The following DHRS12 variants were observed in gnomAD, a reference collection of about 807,000 sequenced individuals.
DHRS12 encodes the protein dehydrogenase/reductase 12, also known as dehydrogenase/reductase SDR family member 12.
In DHRS12, 29 loss-of-function variants were observed where a neutral mutation model predicts 32.1. The ratio of observed to expected loss-of-function variants is 0.90; its 90% CI spans 0.67 to 1.23. The LOEUF is 1.23. Among genes scored for constraint, DHRS12 ranks in the 50% most tolerant of loss-of-function variants. The pLI is 0.00. For synonymous variants in DHRS12, 150 were observed against 135.9 expected (o/e 1.10, Z -0.72); for missense variants, 330 against 337.2 (o/e 0.98, Z 0.17).
chr13:51,791,213 G>A lies in DHRS12; in HGVS notation c.171C>T (p.Ile57=). ...HIVDLSDPKQ[I]WKFVENFKQE... is the part of the protein sequence containing the mutation. Reference sequence around the variant, plus strand: ...GCTTGAAATTTTCAACAAATTTCCAGATTTGCTTGGGATCAGACAAGTCCA... The same window carrying A: ...GCTTGAAATTTTCAACAAATTTCCAAATTTGCTTGGGATCAGACAAGTCCA... Residue 57 remains isoleucine, a synonymous_variant, in exon 3 of 9, where the codon ATC becomes ATT. Transcript: ENST00000444610. 1 of 1,566,348 alleles carries A rather than the reference G, an allele frequency of 6.4e-7. No individual in the cohort carries two copies. Among genetic ancestry groups the A allele is most frequent in the Non-Finnish European group, 8.7e-7 (1 of 1,153,928 alleles).
chr13:51,786,299 G>A (rs746033840), intron 4 of DHRS12, among the ~76,000 whole-genome samples: 5 of 152,210 alleles, frequency 3.3e-5, no homozygotes, highest in Non-Finnish European at 7.3e-5. Context: ...GCTAAGATGC[G>A]GGTGAGAGTT....
chr13:51,768,645 C>T (rs1953863926), intron 8 of DHRS12: 1 of 1,137,342 alleles, frequency 8.8e-7, no homozygotes, highest in African/African-American at 1.6e-5. Flanking sequence ...GAAAGAGAAG[C>T]CAAGCAAAGA....
chr13:51,772,660 T>C (rs995286652), intron 6 of DHRS12: 7 of 985,350 alleles, frequency 7.1e-6, no homozygotes, highest in Admixed American at 1.2e-4. Context: ...ACATCAGTTA[T>C]AGACAATAAA....
the DHRS12 span, among the ~76,000 whole-genome samples, chr13:51,756,902 A>C: frequency 6.6e-6 from 1 of 152,210 alleles, no homozygotes; most frequent in Non-Finnish European, 1.5e-5. Flanking sequence ...AAATATTCCC[A>C]GTTGCCCAGT....
chr13:51,789,405 T>A, intron 4 of DHRS12: 1 of 365,390 alleles, frequency 2.7e-6, no homozygotes, highest in Non-Finnish European at 3.8e-6. Flanking sequence ...AGAAGGCCTG[T>A]CAAACTGGAT....
At chr13:51,781,951 C>A (rs1213926604) in intron 4 of DHRS12, among the ~76,000 whole-genome samples, 2 of 152,154 alleles carry the variant, frequency 1.3e-5, no homozygotes, top group Non-Finnish European at 1.5e-5. Context: ...ATCACAGTGA[C>A]TGCAGTGGCT....
intron 2 of DHRS12, among the ~76,000 whole-genome samples, chr13:51,794,511 C>A (rs1043931708): frequency 1.3e-5 from 2 of 152,190 alleles, no homozygotes; most frequent in Admixed American, 6.5e-5. Context: ...GCTGGAGAGT[C>A]GAAACCCGTT....
intron 4 of DHRS12, among the ~76,000 whole-genome samples, chr13:51,785,787 T>C (rs1054168583): frequency 6.6e-6 from 1 of 152,340 alleles, no homozygotes; most frequent in East Asian, 1.9e-4. Context: ...AGTTGTTTCA[T>C]AGCAATAGCT....
Position 51,779,241 on chromosome 13 carries a change from C to A in DHRS12, c.302-2120G>T, listed in dbSNP as rs753578703. ...ACATCACTCTCCTGCCCCCAAAGTC[C>A]TTCAACACTCTGGCCCCCATTGAAT... On this transcript the variant is annotated intron_variant, in intron 4 of 8. Transcript: ENST00000444610. Among the ~76,000 whole-genome samples the A allele has an allele frequency of 2.0e-5, 3 of 152,200 alleles. No individual in the cohort carries two copies. In the South Asian group the frequency reaches 6.2e-4, roughly 32 times the overall value.
At chr13:51,797,705 C>T in intron 2 of DHRS12, 1 of 1,048,660 alleles carries the variant, frequency 9.5e-7, no homozygotes, top group Non-Finnish European at 1.4e-6. Context: ...GAGGCTGCTT[C>T]CAAAGCAGAA....
chr13:51,798,189 C>CCTAGCATCTAGCATAGTATCTAGCAT (rs1446791652), intron 2 of DHRS12, among the ~76,000 whole-genome samples: 3 of 152,124 alleles, frequency 2.0e-5, no homozygotes, highest in African/African-American at 7.2e-5. Flanking sequence ...CATATGCCTC[C>CCTAGCATCTAGCATAGTATCTAGCAT]CTAGCATCTA....
intron 2 of DHRS12, 133 bp downstream of exon 2, chr13:51,799,401 G>A: frequency 7.4e-7 from 1 of 1,342,938 alleles, no homozygotes. Flanking sequence ...AAAGCTGGCA[G>A]CTGTGCCCAG....
At chr13:51,779,284 A>G (rs1313268223) in intron 4 of DHRS12, among the ~76,000 whole-genome samples, 3 of 152,172 alleles carry the variant, frequency 2.0e-5, no homozygotes, top group Non-Finnish European at 4.4e-5. Flanking sequence ...AAAACTCCTC[A>G]GCCTGGTGCA....
chr13:51,759,940 T>G, the DHRS12 span: 1 of 605,900 alleles, frequency 1.7e-6, no homozygotes, highest in Non-Finnish European at 2.9e-6. Flanking sequence ...CAGTGAGCAC[T>G]CGCAAGGGGA....
intron 7 of DHRS12, chr13:51,770,912 C>T: frequency 8.3e-7 from 1 of 1,208,838 alleles, no homozygotes; most frequent in East Asian, 4.4e-5. Context: ...TCATCTCCTA[C>T]CACCAGCACT....
At chr13:51,759,831 C>T in the DHRS12 span, 176 of 1,082,888 alleles carry the variant, frequency 1.6e-4, no homozygotes, top group Non-Finnish European at 3.7e-5. Flanking sequence ...TAACCCAAAT[C>T]ATTACCAGAG....
rs57962004 is a variant in DHRS12 at position 51,776,855 on chromosome 13, T to TG, written c.363+204dup. Among the ~76,000 whole-genome samples the TG allele has an allele frequency of 4.6e-3, 694 of 151,938 alleles. 3 individuals carry two copies. The highest frequency in any genetic ancestry group is 0.016 in the African/African-American group (665 of 41,418). ...GACAGCCGGAGTGGGGGTCGGGGGT[T>TG]GGGGGGGTTCAGAGAGGGCTGGGGT... On this transcript the variant is annotated intron_variant, in intron 5 of 8. Coordinates refer to ENST00000444610, the MANE Select transcript of DHRS12 (RefSeq NM_001377533.1).
At chr13:51,756,772 G>T in the DHRS12 span, 1 of 461,454 alleles carries the variant, frequency 2.2e-6, no homozygotes, top group South Asian at 9.2e-5. Flanking sequence ...TTACCCAGGA[G>T]TATAAGGGCT....
At chr13:51,792,642 T>C (rs1416969762) in intron 2 of DHRS12, among the ~76,000 whole-genome samples, 1 of 152,154 alleles carries the variant, frequency 6.6e-6, no homozygotes, top group African/African-American at 2.4e-5. Flanking sequence ...TCAAGTGATC[T>C]GTCTGCCTTG....
Sources: allele counts gnomAD v4.1 joint callset (sites outside exome capture counted in the v4.1 genomes callset), GRCh38; gene constraint gnomAD v4.1.1; transcripts MANE v1.5; gene names NCBI Gene and HGNC (gene_info 2026-07-23, HGNC 2026-07-21).